ADGRL2: variants seen among roughly 807,000 people sequenced by gnomAD.
ADGRL2 encodes adhesion G protein-coupled receptor L2.
A neutral mutation model predicts 157.4 loss-of-function variants in ADGRL2; 44 were observed. The ratio of observed to expected loss-of-function variants is 0.28; its 90% CI spans 0.22 to 0.36. ADGRL2 has a LOEUF of 0.36. ADGRL2 is among the 10% of genes least tolerant of loss of function. The pLI is 1.00. For missense variants in ADGRL2, 1,510 were observed against 1,768.9 expected (o/e 0.85, Z 2.63); for synonymous variants, 585 against 624.7 (o/e 0.94, Z 0.95).
At chr1:81,593,122 G>A (rs540423102) in intron 3 of ADGRL2, among the ~76,000 whole-genome samples, 2 of 152,324 alleles carry the variant, frequency 1.3e-5, no homozygotes, top group Non-Finnish European at 1.5e-5. Context: ...TTTGATAGGT[G>A]TTATCACTTT....
chr1:81,676,831 C>T (rs572982723), intron 3 of ADGRL2, among the ~76,000 whole-genome samples: 2 of 151,768 alleles, frequency 1.3e-5, no homozygotes, highest in Admixed American at 6.6e-5. Context: ...GGACTACAGC[C>T]GCCCGCCACC....
intron 3 of ADGRL2, among the ~76,000 whole-genome samples, chr1:81,925,270 T>C (rs1382702986): frequency 7.2e-5 from 11 of 152,100 alleles, no homozygotes. Context: ...CATTAACTTA[T>C]TAATTCAGTT....
chr1:81,835,313 T>C (rs533101238), intron 1 of ADGRL2, among the ~76,000 whole-genome samples: 6 of 152,158 alleles, frequency 3.9e-5, no homozygotes, highest in Non-Finnish European at 7.4e-5. Flanking sequence ...TCTGATTGCT[T>C]GATCAGATCA....
At chr1:81,511,649 T>C (rs1054398469) in intron 2 of ADGRL2, among the ~76,000 whole-genome samples, 1 of 152,184 alleles carries the variant, frequency 6.6e-6, no homozygotes, top group African/African-American at 2.4e-5. Context: ...TCAGAGTTTG[T>C]TTGATATGAT....
In ADGRL2 at chr1:81,838,737, T is replaced by A. The variant is rs536209529; in HGVS notation, c.73+1680T>A. Among the ~76,000 whole-genome samples the A allele has an allele frequency of 3.1e-3, 479 of 152,170 alleles. 3 individuals carry two copies. Among genetic ancestry groups the A allele is most frequent in the African/African-American group, 0.01 (430 of 41,522 alleles). On this transcript the variant is annotated intron_variant, in intron 2 of 23. Coordinates refer to ENST00000686636, the MANE Select transcript of ADGRL2 (RefSeq NM_001366006.2). ...AGATCACTTTGCTTGCACAGTAGCT[T>A]AACTCAGTGGGGGGCTAGCAAACAG...
chr1:81,778,164 CAA>C (rs998509449), intron 2 of ADGRL2, among the ~76,000 whole-genome samples: 1 of 151,322 alleles, frequency 6.6e-6, no homozygotes. Context: ...ACTAAAAATA[CAA>C]AAAAAATTAG....
At chr1:81,342,601 C>T (rs565659982) in intron 1 of ADGRL2, among the ~76,000 whole-genome samples, 107 of 152,278 alleles carry the variant, frequency 7.0e-4, no homozygotes, top group Middle Eastern at 3.4e-3. Flanking sequence ...TGGTCAATCA[C>T]TCTAATAGGT....
chr1:81,489,235 T>TTAA (rs1394249795), intron 2 of ADGRL2, among the ~76,000 whole-genome samples: 4 of 124,224 alleles, frequency 3.2e-5, no homozygotes, highest in African/African-American at 1.5e-4. Context: ...AGACTCTGTC[T>TTAA]CAAAAAAAAA....
intron 1 of ADGRL2, among the ~76,000 whole-genome samples, chr1:81,361,201 T>C (rs2100912260): frequency 6.6e-6 from 1 of 152,074 alleles, no homozygotes; most frequent in Admixed American, 6.5e-5. Context: ...GTATGTATTA[T>C]TCCCTCTGAG....
At chr1:81,743,577 A>T (rs558559433) in intron 1 of ADGRL2, among the ~76,000 whole-genome samples, 1 of 152,056 alleles carries the variant, frequency 6.6e-6, no homozygotes, top group Non-Finnish European at 1.5e-5. Flanking sequence ...CTACTGGCAA[A>T]CCTAAGTGCA....
intron 2 of ADGRL2, among the ~76,000 whole-genome samples, chr1:81,529,074 G>A (rs2079540940): frequency 6.6e-6 from 1 of 152,216 alleles, no homozygotes; most frequent in Non-Finnish European, 1.5e-5. Context: ...AAACTAAGCT[G>A]AGGAGTGTGG....
intron 2 of ADGRL2, among the ~76,000 whole-genome samples, chr1:81,540,937 TA>T (rs1310973350): frequency 7.2e-5 from 11 of 152,136 alleles, no homozygotes; most frequent in African/African-American, 2.7e-4. Context: ...AATACCTGTA[TA>T]AAGTGCAATT....
intron 1 of ADGRL2, among the ~76,000 whole-genome samples, chr1:81,397,403 T>G (rs1216051956): frequency 2.3e-5 from 3 of 131,162 alleles, no homozygotes; most frequent in Admixed American, 1.8e-4. Context: ...TCACTGCAAC[T>G]CCGCCTCCCG....
chr1:81,692,653 A>C (rs1300626084), intron 3 of ADGRL2, among the ~76,000 whole-genome samples: 1 of 152,238 alleles, frequency 6.6e-6, no homozygotes, highest in Non-Finnish European at 1.5e-5. Flanking sequence ...TGTTTATCTA[A>C]AGATGATTTG....
At chr1:81,824,979 C>CTCTCTCTG (rs1553162253) in intron 1 of ADGRL2, among the ~76,000 whole-genome samples, 1 of 151,686 alleles carries the variant, frequency 6.6e-6, no homozygotes, top group Non-Finnish European at 1.5e-5. Flanking sequence ...CTCTCTCTCT[C>CTCTCTCTG]TCTGTCTTTC....
chr1:81,991,034 C>T lies in ADGRL2; in HGVS notation c.4299C>T (p.Tyr1433=), dbSNP rs769566945. 8.1e-6 allele frequency: 13 copies of T among 1,613,808 alleles called. No individual in the cohort carries two copies. The African/African-American group carries it at 1.3e-4, about 17-fold the overall frequency. ...LGAGHQLQMC[Y]QISRGNSDGY... Reference sequence around the variant, plus strand: ...CTGGCCATCAGCTTCAGATGTGCTACCAGATCAGCAGGGGCAATAGTGATG... The same window carrying T: ...CTGGCCATCAGCTTCAGATGTGCTATCAGATCAGCAGGGGCAATAGTGATG... The change falls in exon 24 of 24, where the codon TAC becomes TAT. Residue 1433 remains tyrosine (Y), a synonymous_variant. Transcript: ENST00000686636.
intron 1 of ADGRL2, among the ~76,000 whole-genome samples, chr1:81,821,591 T>A (rs1385832478): frequency 6.6e-6 from 1 of 152,200 alleles, no homozygotes; most frequent in Non-Finnish European, 1.5e-5. Flanking sequence ...AATTGCATTA[T>A]ATGAAACTGA....
intron 1 of ADGRL2, among the ~76,000 whole-genome samples, chr1:81,746,948 A>G (rs139262500): frequency 6.4e-4 from 91 of 142,520 alleles, no homozygotes; most frequent in Middle Eastern, 3.7e-3. Context: ...ATACACATGT[A>G]TGTATATACG....
chr1:81,801,040 C>T lies in ADGRL2; in HGVS notation c.-129C>T, dbSNP rs1232118629. 6.6e-6 allele frequency among the ~76,000 whole-genome samples: 1 copy of T among 151,420 alleles called. No individual in the cohort carries two copies. Among genetic ancestry groups the T allele is most frequent in the Non-Finnish European group, 1.5e-5 (1 of 67,772 alleles). On this transcript the variant is annotated 5_prime_UTR_variant, in exon 1 of 24. Transcript: ENST00000686636. ...GGTCCTCGGGCGGCTGCTTGGCCACCGCCACCGCCGTCCGAAGGGCTCGAG... is the reference window on the plus strand; with the variant it reads ...GGTCCTCGGGCGGCTGCTTGGCCACTGCCACCGCCGTCCGAAGGGCTCGAG...
Sources: allele counts gnomAD v4.1 joint callset (sites outside exome capture counted in the v4.1 genomes callset), GRCh38; gene constraint gnomAD v4.1.1; transcripts MANE v1.5; gene names NCBI Gene and HGNC (gene_info 2026-07-23, HGNC 2026-07-21).